The following ABCB9 variants were observed in gnomAD, a reference collection of about 807,000 sequenced individuals.
The protein encoded by ABCB9 is ATP binding cassette subfamily B member 9.
Under a neutral mutation model 62.0 loss-of-function variants are expected in ABCB9, and 36 were observed. The observed-to-expected ratio is 0.58, with a 90% CI of 0.45 to 0.77. The LOEUF is 0.77. Ranked by LOEUF, ABCB9 falls within the 30% of genes least tolerant of loss-of-function variation. The probability of loss-of-function intolerance (pLI) is 0.00; values close to 1 mark genes in which losing one functional copy is unlikely to be tolerated. For synonymous variants in ABCB9, 435 were observed against 461.4 expected (o/e 0.94, Z 0.73); for missense variants, 943 against 1,054.7 (o/e 0.89, Z 1.47).
intron 4 of ABCB9, 23 bp from the exon 5 acceptor site, chr12:122,948,852 C>G (rs2036197832): frequency 6.7e-7 from 1 of 1,483,828 alleles, no homozygotes; most frequent in Non-Finnish European, 9.0e-7. Flanking sequence ...CGGCTCAGCT[C>G]TCACCACAGC....
At chr12:122,937,251 T>C (rs930223002) in intron 9 of ABCB9, among the ~76,000 whole-genome samples, 28 of 151,162 alleles carry the variant, frequency 1.9e-4, no homozygotes, top group African/African-American at 6.8e-4. Flanking sequence ...CCCAGCTACT[T>C]GGGAAGCTGA....
intron 5 of ABCB9, chr12:122,946,495 A>G: frequency 2.0e-6 from 1 of 495,132 alleles, no homozygotes; most frequent in East Asian, 3.7e-5. Context: ...AGTCATCCCC[A>G]GTATTCAAAA....
chr12:122,952,112 T>C, intron 2 of ABCB9: 1 of 153,364 alleles, frequency 6.5e-6, no homozygotes, highest in South Asian at 1.8e-4. Flanking sequence ...AGAGTGGCCC[T>C]CACGACACCA....
intron 9 of ABCB9, chr12:122,939,432 A>C (rs983329747): frequency 2.6e-5 from 4 of 152,446 alleles, no homozygotes; most frequent in Non-Finnish European, 4.4e-5. Context: ...ACCAATGAAA[A>C]GCAAGAGCAT....
chr12:122,936,959 G>A (rs1214575419), intron 9 of ABCB9, among the ~76,000 whole-genome samples: 1 of 151,902 alleles, frequency 6.6e-6, no homozygotes, highest in African/African-American at 2.4e-5. Context: ...AGTCCCTCAG[G>A]AGGCTGATGT....
At chr12:122,971,386 C>CA (rs1325058090), upstream of ABCB9, among the ~76,000 whole-genome samples, 6,247 of 53,096 alleles carry the variant, frequency 0.12, 240 homozygotes, top group Middle Eastern at 0.15. Context: ...GACTCCATCT[C>CA]AAAAAAAAAA....
rs138796249 is a variant in ABCB9, at chr12:122,940,922, C to T, written c.1454G>A (p.Arg485Gln). The T allele has an allele frequency of 3.3e-5, 54 of 1,612,388 alleles. No individual in the cohort carries two copies. The highest frequency in any genetic ancestry group is 1.5e-4 in the African/African-American group (11 of 74,866). ...GCCATCGTGCACCATGGTCGGCTGCCGGTCGATGAACTCGAACACCTTCTC... is the reference window on the plus strand; with the variant it reads ...GCCATCGTGCACCATGGTCGGCTGCTGGTCGATGAACTCGAACACCTTCTC... The part of the protein sequence containing the change: ...AAEKVFEFID[R>Q]QPTMVHDGSL... The change falls in exon 8 of 12, where the codon CGG becomes CAG. Residue 485 changes from arginine to glutamine, a missense_variant. By Grantham distance (43) the Arg-to-Gln change is conservative. Transcript: ENST00000280560. This position sits in a 1 kb window ranked among gnomAD's most constrained non-coding sequence, Gnocchi z 4.8.
rs995348984 is a variant in ABCB9 at position 122,940,468 on chromosome 12, G to T, written c.1570-184C>A. 3.3e-5 allele frequency among the ~76,000 whole-genome samples: 5 copies of T among 152,080 alleles called. No homozygotes were observed. The highest frequency in any genetic ancestry group is 7.4e-5 in the Non-Finnish European group (5 of 68,008). On this transcript the variant is annotated intron_variant, in intron 8 of 11. Coordinates refer to ENST00000280560, the MANE Select transcript of ABCB9 (RefSeq NM_019625.4). This position sits in a 1 kb window ranked among gnomAD's most constrained non-coding sequence, Gnocchi z 4.8. ...AGGACTTGGAAGCACCTTGAGATTT[G>T]CTGTTTCCTCTGTCTGGAATGTTCT... is the stretch of plus-strand genomic sequence containing the variant.
downstream of ABCB9, among the ~76,000 whole-genome samples, chr12:122,919,882 T>TTTATTTA (rs1460312708): frequency 5.5e-4 from 9 of 16,292 alleles, no homozygotes; most frequent in East Asian, 3.4e-3. Context: ...TGTTTGTTTG[T>TTTATTTA]TTATTTATTT....
Position 122,935,276 on chromosome 12 carries a change from G to A in ABCB9, c.1899C>T (p.Ser633=). 6.2e-7 allele frequency: 1 copy of A among 1,606,992 alleles called. No individual in the cohort carries two copies. The highest frequency in any genetic ancestry group is 8.5e-7 in the Non-Finnish European group (1 of 1,176,302). Residue 633 remains serine, a synonymous_variant, in exon 10 of 12, where the codon AGC becomes AGT. Coordinates refer to ENST00000280560, the MANE Select transcript of ABCB9 (RefSeq NM_019625.4). ...GGGCCACCCCCAGCTCCACACCTGT[G>A]CTGTAGCCGTCCTGGAGTTCCATGA... The part of the protein sequence containing the change: ...GFIMELQDGY[S]TETGEKGAQL...
Position 122,960,293 on chromosome 12 carries a change from G to A in ABCB9, c.-58C>T. On this transcript the variant is annotated 5_prime_UTR_variant, in exon 2 of 12. Transcript: ENST00000280560. ...CCAGGTTGTAGCTCACGGGGGCAAGGCCATCATCATCCACAGGGCGAGGCC... is the reference window on the plus strand; with the variant it reads ...CCAGGTTGTAGCTCACGGGGGCAAGACCATCATCATCCACAGGGCGAGGCC... 6.4e-7 allele frequency: 1 copy of A among 1,567,256 alleles called. No individual in the cohort carries two copies. The highest frequency in any genetic ancestry group is 1.3e-5 in the African/African-American group (1 of 74,378).
intron 9 of ABCB9, 22 bp from the exon 10 acceptor site, chr12:122,935,453 G>A: frequency 6.2e-7 from 1 of 1,606,594 alleles, no homozygotes; most frequent in South Asian, 1.1e-5. Context: ...GGAGCATGGA[G>A]CATGAGAGGC....
At chr12:122,928,018 G>A (rs996998839), downstream of ABCB9, among the ~76,000 whole-genome samples, 5 of 152,158 alleles carry the variant, frequency 3.3e-5, no homozygotes, top group African/African-American at 1.2e-4. Flanking sequence ...AGCAGGCTGA[G>A]TGGTGGCCCC....
chr12:122,934,224 G>A (rs1169899237), intron 10 of ABCB9, among the ~76,000 whole-genome samples: 1 of 152,150 alleles, frequency 6.6e-6, no homozygotes, highest in Admixed American at 6.6e-5. Context: ...CTCCAGCCTG[G>A]GCGACAGAGT....
chr12:122,932,865 T>A lies in ABCB9; in HGVS notation c.1904-537A>T, dbSNP rs1486042102. Among the ~76,000 whole-genome samples the A allele has an allele frequency of 6.6e-6, 1 of 152,184 alleles. No homozygotes were observed. The highest frequency in any genetic ancestry group is 2.4e-5 in the African/African-American group (1 of 41,446). ...AAAAAATAAAACAAATAGACTCAAA[T>A]GTCCATCAATAGGAAATTGAGTCAA... On this transcript the variant is annotated intron_variant, in intron 10 of 11. Transcript: ENST00000280560. The surrounding 1 kb of genome is among the most constrained non-coding windows in gnomAD (Gnocchi z 4.7).
chr12:122,950,421 G>C (rs753435075), intron 3 of ABCB9, 30 bp downstream of exon 3: 3 of 1,579,950 alleles, frequency 1.9e-6, no homozygotes, highest in East Asian at 4.5e-5. Context: ...CGGGGTGTGC[G>C]GGGCAGGGCG....
Position 122,932,448 on chromosome 12 carries a change from G to A in ABCB9, c.1904-120C>T. On this transcript the variant is annotated intron_variant, in intron 10 of 11. Transcript: ENST00000280560. This position sits in a 1 kb window ranked among gnomAD's most constrained non-coding sequence, Gnocchi z 4.7. ...GCGGGCTGGAACCCACAACTTGAAA[G>A]CTCATGAAATGATGTTCCCCCCACC... is the stretch of plus-strand genomic sequence containing the variant. The A allele has an allele frequency of 3.8e-6, 5 of 1,331,620 alleles. No individual in the cohort carries two copies. In the South Asian group the frequency reaches 7.6e-5, roughly 20 times the overall value. The allele number at this position is 1,331,620 out of a possible 1,614,324, so 82.5% of individuals were successfully genotyped here. A position where few individuals can be genotyped will look rare whatever the true frequency, so the allele number is the denominator to read the frequency against.
At chr12:122,961,602 A>T (rs2036912139) in intron 1 of ABCB9, among the ~76,000 whole-genome samples, 1 of 152,202 alleles carries the variant, frequency 6.6e-6, no homozygotes, top group Non-Finnish European at 1.5e-5. Context: ...GGGGAAAAGC[A>T]CTTGGCACAG....
chr12:122,940,833 T>A lies in ABCB9; in HGVS notation c.1543A>T (p.Thr515Ser). ...TGCAGGACCTGGGTGTGGGGCCGAG[T>A]GCGGTAGGTGAAGGTCACATTCTCA... is the stretch of plus-strand genomic sequence containing the variant. ...DFENVTFTYR[T>S]RPHTQVLQNV... is the part of the protein sequence containing the mutation. Residue 515 changes from threonine to serine, a missense_variant, in exon 8 of 12, where the codon ACT becomes TCT. Coordinates refer to ENST00000280560, the MANE Select transcript of ABCB9 (RefSeq NM_019625.4). This position sits in a 1 kb window ranked among gnomAD's most constrained non-coding sequence, Gnocchi z 4.8. The A allele has an allele frequency of 6.2e-7, 1 of 1,601,240 alleles. No individual in the cohort carries two copies. Among genetic ancestry groups the A allele is most frequent in the Non-Finnish European group, 8.5e-7 (1 of 1,171,054 alleles).
Sources: allele counts gnomAD v4.1 joint callset (sites outside exome capture counted in the v4.1 genomes callset), GRCh38; gene constraint gnomAD v4.1.1; non-coding constraint Gnocchi (gnomAD v3.1); transcripts MANE v1.5; gene names NCBI Gene and HGNC (gene_info 2026-07-23, HGNC 2026-07-21).